ANKS1A: variants seen among roughly 807,000 people sequenced by gnomAD.
ANKS1A encodes ankyrin repeat and SAM domain-containing protein 1A.
In ANKS1A, 55 loss-of-function variants were observed where a neutral mutation model predicts 120.3. That is an observed-to-expected ratio of 0.46 (90% CI 0.37 to 0.57). ANKS1A has a LOEUF of 0.57. Among genes scored for constraint, ANKS1A ranks in the 20% least tolerant of loss-of-function variants. The pLI, the probability that ANKS1A is intolerant of heterozygous loss-of-function variation, is 0.00. For missense variants in ANKS1A, 1,123 were observed against 1,480.3 expected, an observed-to-expected ratio of 0.76 and a Z score of 3.96; for synonymous variants, 590 against 604.7, an observed-to-expected ratio of 0.98 and a Z score of 0.36.
At position 34,994,208 on chromosome 6, in the gene ANKS1A, T is replaced by C. The variant is rs541592344; in HGVS notation, c.1303-94T>C. The C allele has an allele frequency of 3.5e-5, 52 of 1,482,484 alleles. 1 individual carries two copies. Among genetic ancestry groups the C allele is most frequent in the Non-Finnish European group, 1.6e-5 (18 of 1,097,118 alleles). 91.8% of individuals were successfully genotyped at this position (1,482,484 alleles called of 1,614,324 possible). On this transcript the variant is annotated intron_variant, in intron 9 of 23. Transcript: ENST00000360359. ...TCTCTTTTCCACCTTTCTTCTTTGA[T>C]GAAAAAAGAGCCAATAATCTCGAAT... is the stretch of plus-strand genomic sequence containing the variant.
intron 1 of ANKS1A, among the ~76,000 whole-genome samples, chr6:34,932,813 TC>T (rs1373134647): frequency 6.6e-6 from 1 of 152,260 alleles, no homozygotes; most frequent in African/African-American, 2.4e-5. Context: ...ACTTTGAACA[TC>T]CATATACAAA....
At chr6:35,001,418 T>C (rs1249832037) in intron 10 of ANKS1A, among the ~76,000 whole-genome samples, 4 of 90,574 alleles carry the variant, frequency 4.4e-5, no homozygotes, top group Non-Finnish European at 1.1e-4. Flanking sequence ...GAGGCCCTGA[T>C]TGTCCCTCTT....
chr6:34,915,632 G>A (rs778351936), intron 1 of ANKS1A, among the ~76,000 whole-genome samples: 6 of 152,006 alleles, frequency 3.9e-5, no homozygotes, highest in African/African-American at 1.2e-4. Context: ...CAGGCATGCT[G>A]TATCTTTGTT....
intron 13 of ANKS1A, among the ~76,000 whole-genome samples, chr6:35,073,696 G>A (rs1039411079): frequency 2.6e-5 from 4 of 152,224 alleles, no homozygotes; most frequent in Non-Finnish European, 5.9e-5. Flanking sequence ...CCTAATTATA[G>A]AAGTGTCCTG....
intron 1 of ANKS1A, among the ~76,000 whole-genome samples, chr6:34,958,219 A>G (rs1239410633): frequency 6.6e-6 from 1 of 152,172 alleles, no homozygotes; most frequent in Non-Finnish European, 1.5e-5. Flanking sequence ...CACCACAGTC[A>G]CAAAACAAAG....
Position 34,982,965 on chromosome 6 carries a change from A to G in ANKS1A, c.808+138A>G. 7.8e-7 allele frequency: 1 copy of G among 1,277,054 alleles called. No homozygotes were observed. The highest frequency in any genetic ancestry group is 1.7e-5 in the Admixed American group (1 of 57,488). The allele number at this position is 1,277,054 out of a possible 1,614,324, so 79.1% of individuals were successfully genotyped here. A position where few individuals can be genotyped will look rare whatever the true frequency, so the allele number is the denominator to read the frequency against. On this transcript the variant is annotated intron_variant, in intron 5 of 23. Transcript: ENST00000360359. The surrounding 1 kb of genome is among the most constrained non-coding windows in gnomAD (Gnocchi z 4.9). ...CTCCACTGGTTGATTACAAGTGTGT[A>G]AACTGTTCTTGAATAGCTGGATTAA...
At chr6:35,069,439 G>A (rs921760098) in intron 13 of ANKS1A, among the ~76,000 whole-genome samples, 11 of 152,028 alleles carry the variant, frequency 7.2e-5, no homozygotes, top group African/African-American at 1.9e-4. Context: ...ATTCTCCTCC[G>A]TCAAATGGGG....
At chr6:34,985,720 T>C (rs965863696) in intron 8 of ANKS1A, among the ~76,000 whole-genome samples, 1 of 152,236 alleles carries the variant, frequency 6.6e-6, no homozygotes, top group African/African-American at 2.4e-5. Context: ...CCTGAAAGGA[T>C]TCTCCATTTG....
At chr6:35,033,892 G>A (rs771577985) in intron 11 of ANKS1A, among the ~76,000 whole-genome samples, 2 of 152,208 alleles carry the variant, frequency 1.3e-5, no homozygotes, top group Non-Finnish European at 2.9e-5. Context: ...ATCGGGCCCT[G>A]TTCCTGGAAG....
At chr6:34,987,015 T>C (rs1477844499) in intron 8 of ANKS1A, among the ~76,000 whole-genome samples, 1 of 152,228 alleles carries the variant, frequency 6.6e-6, no homozygotes. Context: ...CTGTGATTGA[T>C]TTACACAGGT....
intron 10 of ANKS1A, among the ~76,000 whole-genome samples, chr6:34,999,775 A>G (rs1209103259): frequency 1.3e-5 from 2 of 152,148 alleles, no homozygotes; most frequent in African/African-American, 4.8e-5. Context: ...TCCCCGCCAC[A>G]GTAGTTAAGA....
At chr6:35,056,496 G>A (rs569572202) in intron 12 of ANKS1A, among the ~76,000 whole-genome samples, 23 of 152,242 alleles carry the variant, frequency 1.5e-4, no homozygotes, top group African/African-American at 5.5e-4. Context: ...CACCGTGTTA[G>A]CCAGGATGGT....
In ANKS1A at chr6:35,086,615, G is replaced by C. The variant is rs1326292250; in HGVS notation, c.3304-337G>C. 6.6e-6 allele frequency among the ~76,000 whole-genome samples: 1 copy of C among 152,026 alleles called. No individual in the cohort carries two copies. The highest frequency in any genetic ancestry group is 2.4e-5 in the African/African-American group (1 of 41,396). ...CTCTCTGGGCCTACCAGAGAGACCC[G>C]AGGCTGGACATTTGCAAGCCCCATA... On this transcript the variant is annotated intron_variant, in intron 22 of 23. Coordinates refer to ENST00000360359, the MANE Select transcript of ANKS1A (RefSeq NM_015245.3). The surrounding 1 kb of genome is among the most constrained non-coding windows in gnomAD (Gnocchi z 5.1).
At chr6:34,996,187 T>C (rs1772846185) in intron 10 of ANKS1A, among the ~76,000 whole-genome samples, 1 of 152,230 alleles carries the variant, frequency 6.6e-6, no homozygotes, top group East Asian at 1.9e-4. Flanking sequence ...ATTTTCCTAA[T>C]ATCTAATGAT....
intron 14 of ANKS1A, 86 bp downstream of exon 14, chr6:35,078,742 G>A (rs1421370295): frequency 2.3e-6 from 3 of 1,316,324 alleles, no homozygotes; most frequent in African/African-American, 1.4e-5. Flanking sequence ...CAGGGGAGGA[G>A]CAGGGCTCCA....
intron 10 of ANKS1A, among the ~76,000 whole-genome samples, chr6:35,005,258 G>A (rs1403858584): frequency 2.6e-5 from 4 of 152,148 alleles, no homozygotes; most frequent in African/African-American, 9.7e-5. Flanking sequence ...CCAACATGGT[G>A]TATTATCAGT....
chr6:35,017,807 C>T lies in ANKS1A; in HGVS notation c.1758C>T (p.His586=), dbSNP rs1774114013. 1.9e-6 allele frequency: 3 copies of T among 1,614,212 alleles called. No homozygotes were observed. The highest frequency in any genetic ancestry group is 2.5e-6 in the Non-Finnish European group (3 of 1,180,040). The change falls in exon 11 of 24, where the codon CAC becomes CAT. Residue 586 remains histidine (H), a synonymous_variant. Transcript: ENST00000360359. ...GCTCGCACCCTGAAACTTTGACTCACACAGCATCTCCGCACCCTGGTGGTG... is the reference window on the plus strand; with the variant it reads ...GCTCGCACCCTGAAACTTTGACTCATACAGCATCTCCGCACCCTGGTGGTG... The part of the protein sequence containing the change: ...NSRSHPETLT[H]TASPHPGGAE...
At chr6:35,055,820 G>C (rs1219215334) in intron 12 of ANKS1A, among the ~76,000 whole-genome samples, 1 of 152,186 alleles carries the variant, frequency 6.6e-6, no homozygotes, top group Non-Finnish European at 1.5e-5. Context: ...GTTTTCGTCA[G>C]TCTTGGATTA....
rs187097627 is a variant in ANKS1A, at chr6:34,937,581, T to C, written c.198-29658T>C. Among the ~76,000 whole-genome samples the C allele has an allele frequency of 8.6e-5, 13 of 151,942 alleles. No individual in the cohort carries two copies. In the East Asian group the frequency reaches 2.5e-3, roughly 29 times the overall value. On this transcript the variant is annotated intron_variant, in intron 1 of 23. Coordinates refer to ENST00000360359, the MANE Select transcript of ANKS1A (RefSeq NM_015245.3). ...GGAGGAGAATTGAGGCATGGGACAGTGGGGAGAAAGGTGAGGAAGGCAGAA... is the reference window on the plus strand; with the variant it reads ...GGAGGAGAATTGAGGCATGGGACAGCGGGGAGAAAGGTGAGGAAGGCAGAA...
Sources: gnomAD v4.1 joint callset for allele counts (sites outside exome capture counted in the v4.1 genomes callset) on GRCh38, gnomAD v4.1.1 for gene constraint, Gnocchi (gnomAD v3.1) non-coding constraint, MANE v1.5 for transcripts, NCBI Gene and HGNC (gene_info 2026-07-23, HGNC 2026-07-21) for gene names.